The following SLC35F2 variants were observed in gnomAD, a reference collection of about 807,000 sequenced individuals.
SLC35F2 encodes the protein solute carrier family 35 member F2.
Under a neutral mutation model 38.1 loss-of-function variants are expected in SLC35F2, and 25 were observed. The observed-to-expected ratio is 0.66, with a 90% CI of 0.48 to 0.92. The LOEUF is 0.92. Among genes scored for constraint, SLC35F2 ranks in the 40% least tolerant of loss-of-function variants. The pLI, the probability that SLC35F2 is intolerant of heterozygous loss-of-function variation, is 0.00. For missense variants in SLC35F2, 409 were observed against 452.9 expected (o/e 0.90, Z 0.88); for synonymous variants, 173 against 181.7 (o/e 0.95, Z 0.38).
At chr11:107,823,807 T>C (rs1171420013) in intron 1 of SLC35F2, 4 of 162,850 alleles carry the variant, frequency 2.5e-5, no homozygotes, top group African/African-American at 9.7e-5. Flanking sequence ...CGTGCACCTA[T>C]AGTCCCAGCT....
At chr11:107,819,974 T>C (rs1476350192) in intron 1 of SLC35F2, among the ~76,000 whole-genome samples, 1 of 151,942 alleles carries the variant, frequency 6.6e-6, no homozygotes, top group Non-Finnish European at 1.5e-5. Flanking sequence ...AGGATTCAAA[T>C]TTGCTTAAAG....
chr11:107,805,748 G>A, intron 4 of SLC35F2: 1 of 767,102 alleles, frequency 1.3e-6, no homozygotes, highest in African/African-American at 1.9e-5. Flanking sequence ...CGCAATCTCA[G>A]CTCACTGCAA....
At chr11:107,849,506 G>A (rs1860143911) in intron 1 of SLC35F2, among the ~76,000 whole-genome samples, 1 of 152,048 alleles carries the variant, frequency 6.6e-6, no homozygotes, top group Admixed American at 6.6e-5. Context: ...AGGCTTGGTG[G>A]CAGGCACCTG....
chr11:107,855,979 C>T (rs1860272630), intron 1 of SLC35F2, among the ~76,000 whole-genome samples: 1 of 151,258 alleles, frequency 6.6e-6, no homozygotes, highest in Non-Finnish European at 1.5e-5. Context: ...GTGGCAGGCG[C>T]CTGTAATCCT....
intron 1 of SLC35F2, among the ~76,000 whole-genome samples, chr11:107,842,165 T>A (rs1242440230): frequency 7.0e-6 from 1 of 142,560 alleles, no homozygotes; most frequent in Non-Finnish European, 1.5e-5. Flanking sequence ...CTCAGGAGGC[T>A]GAGGCACAAG....
rs1327172833 is a variant in SLC35F2 at position 107,805,542 on chromosome 11, A to G, written c.575-27T>C. 4 of 1,606,160 alleles carry G rather than the reference A, an allele frequency of 2.5e-6. No homozygotes were observed. The African/African-American group carries it at 5.4e-5, about 22-fold the overall frequency. ...TGCAGGAAGACAAGCCACAGAAAGC[A>G]AAACACTGTCAACAGATGAACCTCC... is the stretch of plus-strand genomic sequence containing the variant. On this transcript the variant is annotated intron_variant, in intron 4 of 7. Transcript: ENST00000525815.
At chr11:107,819,868 GAGA>G (rs1366554841) in intron 1 of SLC35F2, among the ~76,000 whole-genome samples, 3 of 152,108 alleles carry the variant, frequency 2.0e-5, no homozygotes, top group Admixed American at 1.3e-4. Flanking sequence ...GTTACAGATG[GAGA>G]AGATGACTCA....
chr11:107,854,363 G>T (rs951076277), intron 1 of SLC35F2, among the ~76,000 whole-genome samples: 2 of 152,002 alleles, frequency 1.3e-5, no homozygotes, highest in African/African-American at 2.4e-5. Context: ...AGCCACGGAG[G>T]TCGAGGCTGC....
chr11:107,834,046 G>T (rs1475493814), intron 1 of SLC35F2, among the ~76,000 whole-genome samples: 1 of 152,182 alleles, frequency 6.6e-6, no homozygotes, highest in Non-Finnish European at 1.5e-5. Flanking sequence ...AAAATCCTGG[G>T]AACTTCATAC....
intron 1 of SLC35F2, among the ~76,000 whole-genome samples, chr11:107,835,993 T>C (rs761407445): frequency 3.3e-5 from 5 of 152,188 alleles, no homozygotes; most frequent in Non-Finnish European, 5.9e-5. Context: ...AGAAGGGCTA[T>C]AGGAATTGTC....
Position 107,792,029 on chromosome 11 carries a change from T to C in SLC35F2, c.*586A>G, listed in dbSNP as rs1212700361. On this transcript the variant is annotated 3_prime_UTR_variant, in exon 8 of 8. Transcript: ENST00000525815. ...GGTTCCTAGGTTTACTGCACTCCAG[T>C]TTAATGCTTGTATAGTACTCACACT... The C allele has an allele frequency of 1.3e-5, 2 of 151,980 alleles. No individual in the cohort carries two copies. The highest frequency in any genetic ancestry group is 2.9e-5 in the Non-Finnish European group (2 of 68,046). The allele number at this position is 151,980 out of a possible 1,614,324, so 9.4% of individuals were successfully genotyped here. A position where few individuals can be genotyped will look rare whatever the true frequency, so the allele number is the denominator to read the frequency against.
At chr11:107,830,815 AAGAG>A (rs1175637398) in intron 1 of SLC35F2, among the ~76,000 whole-genome samples, 1 of 152,114 alleles carries the variant, frequency 6.6e-6, no homozygotes, top group East Asian at 1.9e-4. Context: ...GATTAGTTAA[AAGAG>A]AGAGAGAAAA....
chr11:107,791,323 C>T lies in SLC35F2; in HGVS notation c.*1292G>A, dbSNP rs1240535387. The T allele has an allele frequency of 6.6e-6, 1 of 152,094 alleles. No homozygotes were observed. Among genetic ancestry groups the T allele is most frequent in the East Asian group, 1.9e-4 (1 of 5,198 alleles). 9.4% of individuals were successfully genotyped at this position (152,094 alleles called of 1,614,324 possible). A position where few individuals can be genotyped will look rare whatever the true frequency, so the allele number is the denominator to read the frequency against. Reference sequence around the variant, plus strand: ...ACCAGTTATAAAAACAAAGCTTTTTCTTTGTTGTGATACTGTGCACTAAGA... The same window carrying T: ...ACCAGTTATAAAAACAAAGCTTTTTTTTTGTTGTGATACTGTGCACTAAGA... On this transcript the variant is annotated 3_prime_UTR_variant, in exon 8 of 8. Coordinates refer to ENST00000525815, the MANE Select transcript of SLC35F2 (RefSeq NM_017515.5).
At position 107,805,479 on chromosome 11, in the gene SLC35F2, A is replaced by G; in HGVS notation, c.611T>C (p.Leu204Pro). ...DVLIGDILVLLGASLYAISNV... is the reference protein window; with the variant it reads ...DVLIGDILVLPGASLYAISNV... ...TGAAATGGCATAGAGGGAAGCCCCA[A>G]GAAGGACCAAGATGTCACCAATCAA... Residue 204 changes from leucine (L) to proline (P), a missense_variant, in exon 5 of 8, where the codon CTT becomes CCT. Leu to Pro is a moderately conservative substitution (Grantham distance 98). Coordinates refer to ENST00000525815, the MANE Select transcript of SLC35F2 (RefSeq NM_017515.5). The G allele has an allele frequency of 6.2e-7, 1 of 1,614,028 alleles. No individual in the cohort carries two copies. The highest frequency in any genetic ancestry group is 8.5e-7 in the Non-Finnish European group (1 of 1,179,986).
At chr11:107,805,337 G>A (rs1565429203) in intron 5 of SLC35F2, 22 bp downstream of exon 5, 1 of 1,581,464 alleles carries the variant, frequency 6.3e-7, no homozygotes, top group Non-Finnish European at 8.5e-7. Flanking sequence ...TTTGTCTTTA[G>A]AAAAAAATTG....
intron 2 of SLC35F2, among the ~76,000 whole-genome samples, chr11:107,814,848 A>G (rs1017109704): frequency 3.3e-5 from 5 of 152,196 alleles, no homozygotes; most frequent in African/African-American, 1.2e-4. Flanking sequence ...CTATAATCCC[A>G]GCACTCTGGG....
intron 1 of SLC35F2, among the ~76,000 whole-genome samples, chr11:107,852,268 T>C (rs979311256): frequency 3.3e-5 from 5 of 152,100 alleles, no homozygotes; most frequent in East Asian, 1.9e-4. Flanking sequence ...AAACACAATA[T>C]TGGCTGGGCA....
At chr11:107,824,410 A>G (rs1032759442) in intron 1 of SLC35F2, among the ~76,000 whole-genome samples, 14 of 152,208 alleles carry the variant, frequency 9.2e-5, no homozygotes, top group African/African-American at 3.4e-4. Flanking sequence ...AAAAATACAA[A>G]CTCCAGAGTT....
chr11:107,807,660 C>T (rs1354442276), intron 3 of SLC35F2, among the ~76,000 whole-genome samples: 1 of 151,894 alleles, frequency 6.6e-6, no homozygotes, highest in African/African-American at 2.4e-5. Context: ...GCAACCTCTG[C>T]CTCTCGGGTT....
Sources: gnomAD v4.1 joint callset for allele counts (sites outside exome capture counted in the v4.1 genomes callset) on GRCh38, gnomAD v4.1.1 for gene constraint, MANE v1.5 for transcripts, NCBI Gene and HGNC (gene_info 2026-07-23, HGNC 2026-07-21) for gene names.